The following ZNF695 variants were observed in gnomAD, a reference collection of about 807,000 sequenced individuals.
The protein encoded by ZNF695 is zinc finger protein SBZF3.
Under a neutral mutation model 11.2 loss-of-function variants are expected in ZNF695, and 11 were observed. That is an observed-to-expected ratio of 0.98 (90% CI 0.62 to 1.62). The LOEUF (loss-of-function observed/expected upper bound fraction) is 1.62. Among genes scored for constraint, ZNF695 ranks in the 40% most tolerant of loss-of-function variants. ZNF695 has a pLI of 0.00. For synonymous variants in ZNF695, 190 were observed against 201.4 expected, an observed-to-expected ratio of 0.94 and a Z score of 0.48; for missense variants, 559 against 590.5, an observed-to-expected ratio of 0.95 and a Z score of 0.55.
intron 5 of ZNF695, among the ~76,000 whole-genome samples, chr1:246,949,087 C>G (rs570897906): frequency 5.3e-5 from 8 of 152,262 alleles, no homozygotes; most frequent in African/African-American, 1.9e-4. Flanking sequence ...CAAAACTTTT[C>G]TAATGCTAAC....
chr1:246,951,614 G>A (rs1216245291), intron 5 of ZNF695, among the ~76,000 whole-genome samples: 4 of 152,162 alleles, frequency 2.6e-5, no homozygotes, highest in Admixed American at 1.3e-4. Context: ...ACTATTACAC[G>A]CTCCTAGACC....
intron 5 of ZNF695, among the ~76,000 whole-genome samples, chr1:246,960,151 C>T (rs941321421): frequency 2.0e-4 from 31 of 152,290 alleles, no homozygotes; most frequent in African/African-American, 7.2e-4. Flanking sequence ...CACATTTTGC[C>T]ACGTCATTAT....
intron 5 of ZNF695, among the ~76,000 whole-genome samples, chr1:246,965,958 A>T (rs943207617): frequency 4.0e-5 from 6 of 151,138 alleles, no homozygotes; most frequent in Admixed American, 4.0e-4. Context: ...TATTTTATAT[A>T]TATATCTTTT....
At chr1:246,949,388 C>A (rs984985122) in intron 5 of ZNF695, among the ~76,000 whole-genome samples, 1 of 152,030 alleles carries the variant, frequency 6.6e-6, no homozygotes, top group African/African-American at 2.4e-5. Flanking sequence ...GTCAGGAGTT[C>A]AAGATCAGCC....
intron 1 of ZNF695, among the ~76,000 whole-genome samples, chr1:247,005,934 A>G (rs1669519341): frequency 6.6e-6 from 1 of 152,120 alleles, no homozygotes; most frequent in African/African-American, 2.4e-5. Flanking sequence ...TTTTTTAAAA[A>G]GCCACTCATG....
chr1:247,005,029 CTG>C (rs1387999250), intron 1 of ZNF695, among the ~76,000 whole-genome samples: 3 of 152,148 alleles, frequency 2.0e-5, no homozygotes, highest in Admixed American at 2.0e-4. Flanking sequence ...TCTATAAACT[CTG>C]TGTAATACCT....
At chr1:246,995,914 C>A in intron 3 of ZNF695, 1 of 341,838 alleles carries the variant, frequency 2.9e-6, no homozygotes. Flanking sequence ...ATAGAAAACA[C>A]AGAAACAAAC....
chr1:246,981,705 T>A (rs1328054320), downstream of ZNF695, among the ~76,000 whole-genome samples: 1 of 152,152 alleles, frequency 6.6e-6, no homozygotes. Context: ...CTGATGGTGA[T>A]GGTATAGAAA....
chr1:246,986,218 G>T lies in ZNF695; in HGVS notation c.*749C>A. ...CAAGTAGCTGGGACAACAGGCATGTGCCACCAAGCCTGGCTTTTATTTTAC... is the reference window on the plus strand; with the variant it reads ...CAAGTAGCTGGGACAACAGGCATGTTCCACCAAGCCTGGCTTTTATTTTAC... On this transcript the variant is annotated 3_prime_UTR_variant, in exon 4 of 4. Transcript: ENST00000339986. 2.1e-6 allele frequency: 1 copy of T among 482,074 alleles called. No homozygotes were observed. The highest frequency in any genetic ancestry group is 2.7e-6 in the Non-Finnish European group (1 of 370,194). The allele number at this position is 482,074 out of a possible 1,614,324, so 29.9% of individuals were successfully genotyped here.
intron 4 of ZNF695, chr1:246,968,260 T>A (rs1668338100): frequency 6.6e-6 from 1 of 152,276 alleles, no homozygotes; most frequent in Non-Finnish European, 1.5e-5. Context: ...ACAAAGGGGT[T>A]ACAGGCCCCA....
rs1464619486 is a variant in ZNF695 at position 246,988,205 on chromosome 1, C to T, written c.310G>A (p.Val104Ile). ...CTCAGCATCACTTTTTGGAATGAAACTTGCAGGCCCTGCTCTGGCAAAATG... is the reference window on the plus strand; with the variant it reads ...CTCAGCATCACTTTTTGGAATGAAATTTGCAGGCCCTGCTCTGGCAAAATG... ...EDILPEQGLQ[V>I]SFQKVMLRRY... The change falls in exon 4 of 4, where the codon GTT becomes ATT. Residue 104 changes from valine (V) to isoleucine (I), a missense_variant. By Grantham distance (29) the Val-to-Ile change is conservative. Coordinates refer to ENST00000339986, the MANE Select transcript of ZNF695 (RefSeq NM_020394.5). The T allele has an allele frequency of 1.9e-6, 3 of 1,600,172 alleles. No homozygotes were observed. The highest frequency in any genetic ancestry group is 1.1e-5 in the South Asian group (1 of 88,046).
downstream of ZNF695, among the ~76,000 whole-genome samples, chr1:246,980,837 C>T (rs575854632): frequency 2.0e-5 from 3 of 152,258 alleles, no homozygotes; most frequent in East Asian, 1.9e-4. Flanking sequence ...GCAAAAGTAC[C>T]ATGACATTAG....
chr1:246,950,591 C>G (rs1288167990), intron 5 of ZNF695, among the ~76,000 whole-genome samples: 1 of 132,608 alleles, frequency 7.5e-6, no homozygotes, highest in Non-Finnish European at 1.5e-5. Context: ...GCAGAGGTTG[C>G]AGTGAGTAGA....
intron 4 of ZNF695, among the ~76,000 whole-genome samples, chr1:246,979,060 C>G (rs1248301748): frequency 1.3e-5 from 2 of 152,196 alleles, no homozygotes; most frequent in Non-Finnish European, 2.9e-5. Context: ...AAGTCTACAA[C>G]AGTCAGGTAC....
Position 246,987,034 on chromosome 1 carries a change from C to A in ZNF695, c.1481G>T (p.Cys494Phe). 2 of 1,613,394 alleles carry A rather than the reference C, an allele frequency of 1.2e-6. No individual in the cohort carries two copies. The highest frequency in any genetic ancestry group is 3.3e-4 in the Middle Eastern group (2 of 6,058). ...GTTAAAGGCTTTGCCACATTCCTCA[C>A]ACTTGTATGGTTTCTCTCTGGTATG... The part of the protein sequence containing the change: ...TIHTREKPYK[C>F]EECGKAFNHS... The change falls in exon 4 of 4, where the codon TGT becomes TTT. Residue 494 changes from cysteine (C) to phenylalanine (F), a missense_variant. Physicochemically the swap from Cys to Phe is radical, Grantham distance 205. Coordinates refer to ENST00000339986, the MANE Select transcript of ZNF695 (RefSeq NM_020394.5).
rs200714404 is a variant in ZNF695 at position 246,987,712 on chromosome 1, T to G, written c.803A>C (p.Tyr268Ser). 91 of 1,592,760 alleles carry G rather than the reference T, an allele frequency of 5.7e-5. No individual in the cohort carries two copies. The African/African-American group carries it at 1.2e-3, about 20-fold the overall frequency. Reference sequence around the variant, plus strand: ...AGCTTTGCCACATTCTTCACATCTGTAGGTTTTCTTTTCAGTATGATTTTT... The same window carrying G: ...AGCTTTGCCACATTCTTCACATCTGGAGGTTTTCTTTTCAGTATGATTTTT... The part of the protein sequence containing the change: ...VEKNHTEKKT[Y>S]RCEECGKAFN... Residue 268 changes from tyrosine to serine, a missense_variant, in exon 4 of 4, where the codon TAC (tyrosine) becomes TCC (serine). Physicochemically the swap from Tyr to Ser is moderately radical, Grantham distance 144. Coordinates refer to ENST00000339986, the MANE Select transcript of ZNF695 (RefSeq NM_020394.5).
downstream of ZNF695, among the ~76,000 whole-genome samples, chr1:246,984,492 T>G (rs1668797773): frequency 6.6e-6 from 1 of 152,198 alleles, no homozygotes; most frequent in Non-Finnish European, 1.5e-5. Flanking sequence ...ATCTCTTACC[T>G]GGAGCCACAA....
chr1:246,999,958 C>G lies in ZNF695; in HGVS notation c.120G>C (p.Leu40=). Residue 40 remains leucine, a synonymous_variant, in exon 2 of 4, where the codon CTG becomes CTC. Coordinates refer to ENST00000339986, the MANE Select transcript of ZNF695 (RefSeq NM_020394.5). ...TGAAGCTATCCTCACCAAGGGAGATCAGGTTTCTGTAGTTCTCTAACATCA... is the reference window on the plus strand; with the variant it reads ...TGAAGCTATCCTCACCAAGGGAGATGAGGTTTCTGTAGTTCTCTAACATCA... ...RDVMLENYRN[L]ISLGEDSFNM... 6.2e-7 allele frequency: 1 copy of G among 1,614,126 alleles called. No homozygotes were observed. The highest frequency in any genetic ancestry group is 8.5e-7 in the Non-Finnish European group (1 of 1,180,014).
intron 5 of ZNF695, among the ~76,000 whole-genome samples, chr1:246,967,246 A>T (rs1210969021): frequency 6.6e-6 from 1 of 152,184 alleles, no homozygotes; most frequent in East Asian, 1.9e-4. Context: ...CCTAAACGTT[A>T]CATATTAAAA....
Sources: gnomAD v4.1 joint callset for allele counts (sites outside exome capture counted in the v4.1 genomes callset) on GRCh38, gnomAD v4.1.1 for gene constraint, MANE v1.5 for transcripts, NCBI Gene and HGNC (gene_info 2026-07-23, HGNC 2026-07-21) for gene names.